The following ZNF670 variants were observed in gnomAD, a reference collection of about 807,000 sequenced individuals.
ZNF670 encodes zinc finger protein 670.
Under a neutral mutation model 10.9 loss-of-function variants are expected in ZNF670, and 7 were observed. That is an observed-to-expected ratio of 0.64 (90% CI 0.36 to 1.20). The LOEUF (loss-of-function observed/expected upper bound fraction) is 1.20, where lower values mean the gene tolerates loss of function less well. Ranked by LOEUF, ZNF670 falls within the 50% of genes most tolerant of loss-of-function variation. The probability of loss-of-function intolerance (pLI) is 0.02; values close to 1 mark genes in which losing one functional copy is unlikely to be tolerated. For synonymous variants in ZNF670, 136 were observed against 152.7 expected (o/e 0.89, Z 0.81); for missense variants, 446 against 458.6 (o/e 0.97, Z 0.25).
intron 1 of ZNF670, among the ~76,000 whole-genome samples, chr1:247,067,554 C>T (rs1671013589): frequency 6.6e-6 from 1 of 151,608 alleles, no homozygotes; most frequent in Non-Finnish European, 1.5e-5. Flanking sequence ...TAAAAAGCTC[C>T]AGCACAGGCC....
At chr1:247,042,836 T>C (rs1380445644) in intron 1 of ZNF670, 3 of 563,120 alleles carry the variant, frequency 5.3e-6, no homozygotes, top group Non-Finnish European at 9.8e-6. Flanking sequence ...ACTGAAATGT[T>C]ATTACCAGAG....
At chr1:247,075,957 C>G (rs1671241560) in intron 1 of ZNF670, among the ~76,000 whole-genome samples, 1 of 152,042 alleles carries the variant, frequency 6.6e-6, no homozygotes, top group African/African-American at 2.4e-5. Context: ...AGATTTTTGC[C>G]CCCTTGAAAT....
chr1:247,069,274 C>T lies in ZNF670; in HGVS notation c.3+9320G>A, dbSNP rs181562551. Among the ~76,000 whole-genome samples, 189 of 150,980 alleles carry T rather than the reference C, an allele frequency of 1.3e-3. 1 individual carries two copies. Among genetic ancestry groups the T allele is most frequent in the Admixed American group, 6.2e-3 (95 of 15,242 alleles). On this transcript the variant is annotated intron_variant, in intron 1 of 3. Transcript: ENST00000366503. ...ACATTGCATACCTGTATCAAAACAT[C>T]TCATGTAATCCATAGATATATACAC...
At chr1:247,072,104 G>A (rs1168668961) in intron 1 of ZNF670, among the ~76,000 whole-genome samples, 16 of 151,010 alleles carry the variant, frequency 1.1e-4, no homozygotes, top group African/African-American at 3.4e-4. Flanking sequence ...TGATCTGCCC[G>A]CCTTGGCTTC....
chr1:247,050,315 G>C (rs1670560613), intron 1 of ZNF670, among the ~76,000 whole-genome samples: 1 of 152,108 alleles, frequency 6.6e-6, no homozygotes, highest in Non-Finnish European at 1.5e-5. Flanking sequence ...TTTAAAGTTT[G>C]TTTTCTCTGA....
chr1:247,077,205 T>G (rs1671274524), intron 1 of ZNF670, among the ~76,000 whole-genome samples: 1 of 152,196 alleles, frequency 6.6e-6, no homozygotes, highest in Non-Finnish European at 1.5e-5. Flanking sequence ...CACCAGGGAT[T>G]TGTTTTTTAA....
intron 1 of ZNF670, among the ~76,000 whole-genome samples, chr1:247,062,981 T>A (rs1288453649): frequency 1.3e-5 from 2 of 152,210 alleles, no homozygotes. Flanking sequence ...TGAGGATACA[T>A]CACTCTTTAC....
chr1:247,072,840 G>GCACA lies in ZNF670; in HGVS notation c.3+5753_3+5754insTGTG, dbSNP rs1558348475. The stretch of plus-strand genomic sequence containing the variant: ...TATATATATATATATATATATATAT[G>GCACA]CATACACACACATACACACACACAC... On this transcript the variant is annotated intron_variant, in intron 1 of 3. Coordinates refer to ENST00000366503, the MANE Select transcript of ZNF670 (RefSeq NM_033213.5). Among the ~76,000 whole-genome samples, 88 of 47,990 alleles carry GCACA rather than the reference G, an allele frequency of 1.8e-3. 2 individuals carry two copies. Among genetic ancestry groups the GCACA allele is most frequent in the African/African-American group, 6.5e-3 (84 of 12,990 alleles). 31.5% of individuals were successfully genotyped at this position (47,990 alleles called of 152,430 possible).
At chr1:247,051,266 A>C (rs909235295) in intron 1 of ZNF670, among the ~76,000 whole-genome samples, 12 of 131,974 alleles carry the variant, frequency 9.1e-5, no homozygotes, top group South Asian at 2.3e-4. Context: ...AGAAAAAAAA[A>C]AACAAAAAAA....
chr1:247,037,445 T>C lies in ZNF670; in HGVS notation c.*4A>G. On this transcript the variant is annotated 3_prime_UTR_variant, in exon 4 of 4. Transcript: ENST00000366503. ...TGACAGAGGTGTTTTGTTGTTGTTGTTTTTTACCACATATAAGCTCTTTCA... is the reference window on the plus strand; with the variant it reads ...TGACAGAGGTGTTTTGTTGTTGTTGCTTTTTACCACATATAAGCTCTTTCA... The C allele has an allele frequency of 6.3e-7, 1 of 1,584,498 alleles. No individual in the cohort carries two copies. Among genetic ancestry groups the C allele is most frequent in the Non-Finnish European group, 8.6e-7 (1 of 1,167,976 alleles).
At chr1:247,045,280 G>A (rs771895143) in intron 1 of ZNF670, among the ~76,000 whole-genome samples, 2 of 152,154 alleles carry the variant, frequency 1.3e-5, no homozygotes, top group African/African-American at 4.8e-5. Context: ...CAGTTGATAC[G>A]GTTTGGCTGT....
Position 247,078,763 on chromosome 1 carries a change from G to A in ZNF670, c.-167C>T, listed in dbSNP as rs1430553100. The stretch of plus-strand genomic sequence containing the variant: ...ATTCGCGCTGCCCAACACAAAAGCC[G>A]CGCCAGGTCCCGGAAGCTGCTCCCT... On this transcript the variant is annotated 5_prime_UTR_variant, in exon 1 of 4. Coordinates refer to ENST00000366503, the MANE Select transcript of ZNF670 (RefSeq NM_033213.5). The A allele has an allele frequency of 2.9e-6, 2 of 699,368 alleles. No homozygotes were observed. Among genetic ancestry groups the A allele is most frequent in the East Asian group, 2.9e-5 (1 of 34,648 alleles). The allele number at this position is 699,368 out of a possible 1,614,324, so 43.3% of individuals were successfully genotyped here.
At chr1:247,067,799 G>A (rs1410588280) in intron 1 of ZNF670, among the ~76,000 whole-genome samples, 11 of 114,418 alleles carry the variant, frequency 9.6e-5, no homozygotes, top group African/African-American at 2.0e-4. Flanking sequence ...CCGAGATCCC[G>A]CCACTGCACT....
chr1:247,041,056 A>G (rs1670296206), intron 1 of ZNF670, among the ~76,000 whole-genome samples: 1 of 152,246 alleles, frequency 6.6e-6, no homozygotes, highest in African/African-American at 2.4e-5. Context: ...GAAGAAATCA[A>G]AAGCACTTTA....
At chr1:247,057,690 G>A (rs1420069976) in intron 1 of ZNF670, among the ~76,000 whole-genome samples, 5 of 152,128 alleles carry the variant, frequency 3.3e-5, no homozygotes, top group African/African-American at 7.2e-5. Context: ...GCAACAACAC[G>A]GATGAAACTG....
At chr1:247,070,586 G>T (rs1671091795) in intron 1 of ZNF670, among the ~76,000 whole-genome samples, 1 of 152,192 alleles carries the variant, frequency 6.6e-6, no homozygotes, top group South Asian at 2.1e-4. Context: ...AATATTTCAT[G>T]ACAAAGTCTC....
intron 1 of ZNF670, among the ~76,000 whole-genome samples, chr1:247,046,236 AG>A (rs1238920215): frequency 6.6e-6 from 1 of 152,178 alleles, no homozygotes; most frequent in African/African-American, 2.4e-5. Flanking sequence ...GCACAACTAA[AG>A]GGGAGCCAGG....
chr1:247,042,736 A>G (rs1030199997), intron 1 of ZNF670: 1 of 398,836 alleles, frequency 2.5e-6, no homozygotes, highest in Non-Finnish European at 4.6e-6. Flanking sequence ...TTTCCAGTAG[A>G]GCAAGTAGGC....
rs183661949 is a variant in ZNF670 at position 247,053,380 on chromosome 1, C to G, written c.4-13843G>C. ...CGGCGCGGTGGCTCACGCCTGTAAT[C>G]CCAGTACTTTGGGAGGCCGAGGTAG... On this transcript the variant is annotated intron_variant, in intron 1 of 3. Transcript: ENST00000366503. Among the ~76,000 whole-genome samples the G allele has an allele frequency of 5.9e-5, 9 of 152,266 alleles. No homozygotes were observed. The East Asian group carries it at 1.7e-3, about 29-fold the overall frequency.
Sources: gnomAD v4.1 joint callset for allele counts (sites outside exome capture counted in the v4.1 genomes callset) on GRCh38, gnomAD v4.1.1 for gene constraint, MANE v1.5 for transcripts, NCBI Gene and HGNC (gene_info 2026-07-23, HGNC 2026-07-21) for gene names.